Variants in CELF2 observed in about 807,000 individuals in gnomAD.
CELF2 encodes CUGBP Elav-like family member 2.
CELF2 carries 8 observed loss-of-function variants against 62.6 expected under a neutral mutation model. That is an observed-to-expected ratio of 0.13 (90% CI 0.07 to 0.23). The LOEUF (loss-of-function observed/expected upper bound fraction) is 0.23. Ranked by LOEUF, CELF2 falls within the 10% of genes least tolerant of loss-of-function variation. The pLI is 1.00. For synonymous variants in CELF2, 258 were observed against 250.0 expected, an observed-to-expected ratio of 1.03 and a Z score of -0.30; for missense variants, 333 against 671.0, an observed-to-expected ratio of 0.50 and a Z score of 5.56.
chr10:11,265,021 T>C (rs925708715), intron 5 of CELF2, among the ~76,000 whole-genome samples: 2 of 152,268 alleles, frequency 1.3e-5, no homozygotes, highest in Admixed American at 6.5e-5. Context: ...TTTTCATGAC[T>C]GGATGTCGTT....
chr10:11,310,404 T>C (rs1229057217), intron 9 of CELF2, among the ~76,000 whole-genome samples: 1 of 152,200 alleles, frequency 6.6e-6, no homozygotes, highest in Non-Finnish European at 1.5e-5. Context: ...GTGGGTCACA[T>C]GCCACAGATT....
intron 1 of CELF2, among the ~76,000 whole-genome samples, chr10:11,133,213 A>G (rs574250938): frequency 6.6e-6 from 1 of 152,302 alleles, no homozygotes; most frequent in East Asian, 1.9e-4. Flanking sequence ...ATCCACAAGG[A>G]ACCATTAAAG....
chr10:10,844,880 T>C (rs1389311437), intron 1 of CELF2, among the ~76,000 whole-genome samples: 2 of 152,094 alleles, frequency 1.3e-5, no homozygotes, highest in Non-Finnish European at 2.9e-5. Context: ...GCTCACCTCT[T>C]CCACAAGGAT....
At chr10:10,524,046 T>A in the CELF2 span, among the ~76,000 whole-genome samples, 1 of 152,184 alleles carries the variant, frequency 6.6e-6, no homozygotes, top group South Asian at 2.1e-4. Flanking sequence ...CACAGACAAC[T>A]AGAAGTTGTG....
the CELF2 span, among the ~76,000 whole-genome samples, chr10:10,649,444 G>C: frequency 6.6e-6 from 1 of 152,062 alleles, no homozygotes. Flanking sequence ...ATTGCCAACT[G>C]TTTCCTCTGG....
In CELF2 at chr10:11,007,690, G is replaced by A. The variant is rs916433316; in HGVS notation, c.53+2250G>A. Reference sequence around the variant, plus strand: ...AGCTTTATATCTGAGGCCGGCACACGGTTTCCAGCACACTCCGATTCTGCT... The same window carrying A: ...AGCTTTATATCTGAGGCCGGCACACAGTTTCCAGCACACTCCGATTCTGCT... On this transcript the variant is annotated intron_variant, in intron 1 of 12. Coordinates refer to the CELF2 transcript ENST00000416382. 1.2e-4 allele frequency among the ~76,000 whole-genome samples: 19 copies of A among 152,214 alleles called. 1 individual carries two copies. The highest frequency in any genetic ancestry group is 6.8e-3 in the Middle Eastern group (2 of 294).
chr10:11,181,338 C>T (rs2073310367), intron 2 of CELF2, among the ~76,000 whole-genome samples: 1 of 152,200 alleles, frequency 6.6e-6, no homozygotes, highest in Admixed American at 6.5e-5. Flanking sequence ...ATGAATACTC[C>T]TCTCGACTGT....
chr10:11,066,082 A>G (rs2068073251), intron 1 of CELF2, among the ~76,000 whole-genome samples: 1 of 152,072 alleles, frequency 6.6e-6, no homozygotes, highest in African/African-American at 2.4e-5. Context: ...GGAAAAAAGG[A>G]GATCAGGCCA....
rs907142768 is a variant in CELF2, at chr10:10,993,288, ATTTGACTCATTACAAAGGC to A, written c.89+73301_89+73319del. Among the ~76,000 whole-genome samples the A allele has an allele frequency of 2.2e-4, 34 of 152,168 alleles. No homozygotes were observed. The highest frequency in any genetic ancestry group is 3.9e-4 in the Admixed American group (6 of 15,278). ...ATGTAGTTTGGCCTGGCCAAACTACATTTGACTCATTACAAAGGCTTTGACTCATTTCAAAGCCATCACA... is the reference window on the plus strand; with the variant it reads ...ATGTAGTTTGGCCTGGCCAAACTACATTTGACTCATTTCAAAGCCATCACA... On this transcript the variant is annotated intron_variant, in intron 2 of 13. Transcript: ENST00000636488. This position sits in a 1 kb window ranked among gnomAD's most constrained non-coding sequence, Gnocchi z 5.3.
At chr10:10,469,572 G>A in the CELF2 span, among the ~76,000 whole-genome samples, 3 of 151,810 alleles carry the variant, frequency 2.0e-5, no homozygotes, top group Non-Finnish European at 2.9e-5. Flanking sequence ...TAAGAATTTG[G>A]TGTCTTTTTT....
the CELF2 span, among the ~76,000 whole-genome samples, chr10:10,699,005 TA>T: frequency 6.6e-6 from 1 of 152,082 alleles, no homozygotes; most frequent in African/African-American, 2.4e-5. Flanking sequence ...TTAGTGTATA[TA>T]AAAATGCTTA....
the CELF2 span, among the ~76,000 whole-genome samples, chr10:10,644,666 A>ATGTCGG: frequency 6.6e-6 from 1 of 152,092 alleles, no homozygotes; most frequent in Non-Finnish European, 1.5e-5. Flanking sequence ...GTAGCAAGGG[A>ATGTCGG]TGTCCATGGA....
the CELF2 span, among the ~76,000 whole-genome samples, chr10:10,763,341 C>T: frequency 1.3e-5 from 2 of 152,174 alleles, no homozygotes; most frequent in African/African-American, 4.8e-5. Flanking sequence ...CGTCGTGAGC[C>T]TTGTGATGTG....
chr10:10,736,396 C>CTTTCTTTTTT, the CELF2 span, among the ~76,000 whole-genome samples: 3 of 75,990 alleles, frequency 3.9e-5, no homozygotes, highest in African/African-American at 1.5e-4. Context: ...TTCTTTCTTT[C>CTTTCTTTTTT]TTTTTTTTTT....
In CELF2 at chr10:11,318,701, T is replaced by C; in HGVS notation, c.1097-2488T>C. On this transcript the variant is annotated intron_variant, in intron 10 of 12. Transcript: ENST00000633077. The surrounding 1 kb of genome is among the most constrained non-coding windows in gnomAD (Gnocchi z 5.4). ...TCTGCATTGTAAGAGAGAAACATTT[T>C]TGGCAAAAAGGAGAAAGAGTTCAAA... 2.2e-6 allele frequency: 1 copy of C among 451,744 alleles called. No homozygotes were observed. Among genetic ancestry groups the C allele is most frequent in the South Asian group, 1.6e-5 (1 of 61,598 alleles). 28.0% of individuals were successfully genotyped at this position (451,744 alleles called of 1,614,324 possible).
intron 2 of CELF2, among the ~76,000 whole-genome samples, chr10:10,986,319 A>G (rs2052745143): frequency 6.6e-6 from 1 of 152,220 alleles, no homozygotes; most frequent in South Asian, 2.1e-4. Flanking sequence ...AATATCTAAG[A>G]AAGCTGTTTT....
chr10:10,662,719 C>G, the CELF2 span, among the ~76,000 whole-genome samples: 14 of 152,012 alleles, frequency 9.2e-5, no homozygotes, highest in Non-Finnish European at 2.9e-5. Context: ...GCAAACAAAC[C>G]AGCAATGGTG....
intron 1 of CELF2, among the ~76,000 whole-genome samples, chr10:11,140,636 CTT>C (rs2061191990): frequency 6.6e-6 from 1 of 152,126 alleles, no homozygotes; most frequent in African/African-American, 2.4e-5. Flanking sequence ...TGCTTTGTCA[CTT>C]ATAAATTTCG....
chr10:10,773,876 C>T, the CELF2 span, among the ~76,000 whole-genome samples: 1 of 152,202 alleles, frequency 6.6e-6, no homozygotes, highest in Non-Finnish European at 1.5e-5. Flanking sequence ...TTGCGATAAA[C>T]ACTGCTGCCT....
Sources: gnomAD v4.1 joint callset for allele counts (sites outside exome capture counted in the v4.1 genomes callset) on GRCh38, gnomAD v4.1.1 for gene constraint, Gnocchi (gnomAD v3.1) non-coding constraint, MANE v1.5 for transcripts, NCBI Gene and HGNC (gene_info 2026-07-23, HGNC 2026-07-21) for gene names.